Variants in RBM44 observed in about 807,000 individuals in gnomAD.
RBM44 encodes the protein RNA binding motif protein 44.
In RBM44, 66 loss-of-function variants were observed where a neutral mutation model predicts 105.1. The ratio of observed to expected loss-of-function variants is 0.63; its 90% CI spans 0.52 to 0.77. The LOEUF (loss-of-function observed/expected upper bound fraction) is 0.77, where lower values mean the gene tolerates loss of function less well. Among genes scored for constraint, RBM44 ranks in the 30% least tolerant of loss-of-function variants. RBM44 has a pLI of 0.00. For missense variants in RBM44, 1,122 were observed against 1,207.8 expected (o/e 0.93, Z 1.05); for synonymous variants, 365 against 417.6 (o/e 0.87, Z 1.54).
At chr2:237,809,955 C>T (rs1209139170) in intron 1 of RBM44, among the ~76,000 whole-genome samples, 1 of 152,012 alleles carries the variant, frequency 6.6e-6, no homozygotes, top group Non-Finnish European at 1.5e-5. Context: ...AATAAAAAAA[C>T]CTTTTTGACT....
chr2:237,823,646 AT>A, intron 9 of RBM44, 92 bp downstream of exon 9: 1 of 618,856 alleles, frequency 1.6e-6, no homozygotes, highest in Middle Eastern at 4.4e-4. Context: ...ATAAAAATAA[AT>A]TTTCTTAATT....
intron 8 of RBM44, among the ~76,000 whole-genome samples, chr2:237,823,179 A>G (rs899925248): frequency 6.6e-6 from 1 of 151,960 alleles, no homozygotes; most frequent in African/African-American, 2.4e-5. Context: ...TGTGTATGCC[A>G]CACTTTGCCA....
chr2:237,801,983 T>C (rs1429549414), intron 1 of RBM44, among the ~76,000 whole-genome samples: 2 of 152,244 alleles, frequency 1.3e-5, no homozygotes, highest in African/African-American at 2.4e-5. Context: ...ATCAAGGATT[T>C]GAACATAAAA....
At chr2:237,836,604 A>AC (rs1419516055) in intron 15 of RBM44, among the ~76,000 whole-genome samples, 1 of 151,804 alleles carries the variant, frequency 6.6e-6, no homozygotes, top group African/African-American at 2.4e-5. Context: ...ACATGGTGAA[A>AC]CCCCGTCTCT....
rs1478046436 is a variant in RBM44, at chr2:237,817,532, C to A, written c.613C>A (p.Gln205Lys). The A allele has an allele frequency of 1.2e-6, 2 of 1,609,572 alleles. No homozygotes were observed. The highest frequency in any genetic ancestry group is 2.2e-5 in the East Asian group (1 of 44,708). The change falls in exon 3 of 16, where the codon CAA becomes AAA. Residue 205 changes from glutamine to lysine, a missense_variant. Around this residue, in one of 3 missense-constraint regions of RBM44, gnomAD observed 918 missense variants for 955.3 expected, o/e 0.96. Transcript: ENST00000316997. ...EYISNHLSFDQTKALDISNPE... is the reference protein window; with the variant it reads ...EYISNHLSFDKTKALDISNPE... The stretch of plus-strand genomic sequence containing the variant: ...CATAAGTAACCATTTATCTTTTGAC[C>A]AAACAAAAGCATTAGATATATCTAA...
In RBM44 at chr2:237,821,223, T is replaced by C; in HGVS notation, c.2066T>C (p.Leu689Ser). 1.9e-6 allele frequency: 3 copies of C among 1,606,594 alleles called. No individual in the cohort carries two copies. Among genetic ancestry groups the C allele is most frequent in the Non-Finnish European group, 2.6e-6 (3 of 1,176,410 alleles). The change falls in exon 6 of 16, where the codon TTA becomes TCA. Residue 689 changes from leucine to serine, a missense_variant. Leu to Ser is a moderately radical substitution (Grantham distance 145, BLOSUM62 -2). This residue lies in a region of RBM44 where 918 missense variants were observed against 955.3 expected (regional missense o/e 0.96). Coordinates refer to ENST00000316997, the MANE Select transcript of RBM44 (RefSeq NM_001080504.3). ...ELPPLSLESK[L>S]LSTFSTFASR... is the part of the protein sequence containing the mutation. ...CCCCCACTGTCACTAGAATCAAAAT[T>C]ATTATCTACCTTCTCTACTTTTGCT... is the stretch of plus-strand genomic sequence containing the variant.
intron 1 of RBM44, among the ~76,000 whole-genome samples, chr2:237,807,541 C>T (rs1476621800): frequency 1.3e-5 from 2 of 152,170 alleles, no homozygotes; most frequent in African/African-American, 4.8e-5. Flanking sequence ...GAATAGGAAC[C>T]TTAAGAAGTA....
At chr2:237,813,512 C>A in intron 1 of RBM44, 80 bp from the exon 2 acceptor site, 1 of 700,750 alleles carries the variant, frequency 1.4e-6, no homozygotes, top group South Asian at 2.3e-5. Flanking sequence ...TTTAAAAGGA[C>A]ATATCTTTCT....
chr2:237,829,536 T>C, intron 13 of RBM44, 34 bp downstream of exon 13: 1 of 1,549,348 alleles, frequency 6.5e-7, no homozygotes, highest in South Asian at 1.2e-5. Flanking sequence ...TAAATGGTCT[T>C]TGTACGTCAT....
chr2:237,822,916 C>T (rs2061808575), intron 8 of RBM44, among the ~76,000 whole-genome samples: 1 of 151,982 alleles, frequency 6.6e-6, no homozygotes, highest in Admixed American at 6.6e-5. Context: ...GTACCATCTT[C>T]ACAGTTTACC....
At chr2:237,821,277 T>TA (rs1413487902) in intron 6 of RBM44, 23 bp downstream of exon 6, 36 of 1,555,944 alleles carry the variant, frequency 2.3e-5, no homozygotes, top group Non-Finnish European at 3.0e-5. Context: ...GTTTTAGAAA[T>TA]AAAAAATTTT....
chr2:237,802,108 G>A (rs1386474340), intron 1 of RBM44, among the ~76,000 whole-genome samples: 1 of 152,036 alleles, frequency 6.6e-6, no homozygotes, highest in African/African-American at 2.4e-5. Context: ...ACCCCCAATG[G>A]CTAACTCTTA....
Position 237,817,876 on chromosome 2 carries a change from A to G in RBM44, c.957A>G (p.Gln319=), listed in dbSNP as rs2061737838. 1.3e-6 allele frequency: 2 copies of G among 1,598,766 alleles called. No homozygotes were observed. Among genetic ancestry groups the G allele is most frequent in the East Asian group, 2.2e-5 (1 of 44,784 alleles). Residue 319 remains glutamine (Q), a synonymous_variant, in exon 3 of 16, where the codon CAA becomes CAG. Coordinates refer to ENST00000316997, the MANE Select transcript of RBM44 (RefSeq NM_001080504.3). The part of the protein sequence containing the change: ...SQSKSGSLSP[Q]KVLKMKIYTE... ...CTAAGAGTGGTTCCTTGAGCCCTCA[A>G]AAAGTATTAAAAATGAAAATTTATA...
rs1371457458 is a variant in RBM44 at position 237,835,720 on chromosome 2, C to T, written c.*22+1297C>T. Among the ~76,000 whole-genome samples, 6 of 151,864 alleles carry T rather than the reference C, an allele frequency of 4.0e-5. No homozygotes were observed. The East Asian group carries it at 9.7e-4, about 24-fold the overall frequency. On this transcript the variant is annotated intron_variant, in intron 15 of 15. Coordinates refer to ENST00000316997, the MANE Select transcript of RBM44 (RefSeq NM_001080504.3). ...GAAGCTGAGGAAGAAAAGTGTGAAGCTAACAGAGGGTTGGTTAGTTCATGA... is the reference window on the plus strand; with the variant it reads ...GAAGCTGAGGAAGAAAAGTGTGAAGTTAACAGAGGGTTGGTTAGTTCATGA...
In RBM44 at chr2:237,818,296, T is replaced by C. The variant is rs2150978467; in HGVS notation, c.1377T>C (p.Ser459=). 1 of 1,613,362 alleles carries C rather than the reference T, an allele frequency of 6.2e-7. No homozygotes were observed. The highest frequency in any genetic ancestry group is 2.2e-5 in the East Asian group (1 of 44,866). The part of the protein sequence containing the change: ...MCTKSLTDAA[S]CTVTINQTVD... Reference sequence around the variant, plus strand: ...CTAAATCATTGACAGATGCAGCAAGTTGTACAGTCACAATTAATCAGACAG... The same window carrying C: ...CTAAATCATTGACAGATGCAGCAAGCTGTACAGTCACAATTAATCAGACAG... The change falls in exon 3 of 16, where the codon AGT becomes AGC. Residue 459 remains serine (S), a synonymous_variant. Transcript: ENST00000316997. The surrounding 1 kb of genome is among the most constrained non-coding windows in gnomAD (Gnocchi z 4.6).
At chr2:237,801,046 G>T (rs1315765235) in intron 1 of RBM44, among the ~76,000 whole-genome samples, 2 of 152,130 alleles carry the variant, frequency 1.3e-5, no homozygotes, top group Admixed American at 6.5e-5. Flanking sequence ...TTAAGAATAT[G>T]AAGAGCGGGC....
chr2:237,836,652 C>T (rs1286827529), intron 15 of RBM44, among the ~76,000 whole-genome samples: 3 of 151,918 alleles, frequency 2.0e-5, no homozygotes, highest in African/African-American at 4.8e-5. Context: ...TGGTGGCGTG[C>T]ACCTATAGTC....
chr2:237,825,493 A>G (rs1342954083), intron 10 of RBM44, among the ~76,000 whole-genome samples: 1 of 152,236 alleles, frequency 6.6e-6, no homozygotes, highest in East Asian at 1.9e-4. Context: ...GGCGTGAGCC[A>G]CTGCACCCAG....
chr2:237,837,915 G>A (rs1206803422), intron 15 of RBM44, among the ~76,000 whole-genome samples: 2 of 151,374 alleles, frequency 1.3e-5, no homozygotes, highest in Non-Finnish European at 3.0e-5. Context: ...AGGTGACAAA[G>A]CAGTGGCAAA....
Sources: allele counts gnomAD v4.1 joint callset (sites outside exome capture counted in the v4.1 genomes callset), GRCh38; gene constraint gnomAD v4.1.1; regional missense constraint gnomAD v4.1.1; non-coding constraint Gnocchi (gnomAD v3.1); transcripts MANE v1.5; gene names NCBI Gene and HGNC (gene_info 2026-07-23, HGNC 2026-07-21).